Variants in EMSY observed in about 807,000 individuals in gnomAD.
EMSY encodes the protein BRCA2-interacting transcriptional repressor EMSY.
In EMSY, 26 loss-of-function variants were observed where a neutral mutation model predicts 134.6. The ratio of observed to expected loss-of-function variants is 0.19; its 90% CI spans 0.14 to 0.27. The LOEUF is 0.27. Among genes scored for constraint, EMSY ranks in the 10% least tolerant of loss-of-function variants. The pLI, the probability that EMSY is intolerant of heterozygous loss-of-function variation, is 1.00. For missense variants in EMSY, 1,305 were observed against 1,611.4 expected (o/e 0.81, Z 3.26); for synonymous variants, 579 against 577.8 (o/e 1.00, Z -0.03).
At chr11:76,487,799 A>G (rs985005640) in intron 8 of EMSY, among the ~76,000 whole-genome samples, 1 of 152,262 alleles carries the variant, frequency 6.6e-6, no homozygotes, top group Admixed American at 6.5e-5. Context: ...CGTTATGCCT[A>G]TGGAGATATT....
chr11:76,450,012 A>G (rs1267484059), intron 2 of EMSY, among the ~76,000 whole-genome samples: 1 of 151,754 alleles, frequency 6.6e-6, no homozygotes, highest in African/African-American at 2.4e-5. Flanking sequence ...TACTGGAATA[A>G]TATGAAACTA....
At chr11:76,509,936 A>G (rs940390803) in intron 9 of EMSY, among the ~76,000 whole-genome samples, 3 of 152,316 alleles carry the variant, frequency 2.0e-5, no homozygotes, top group Non-Finnish European at 2.9e-5. Context: ...GCTCATGCCT[A>G]TAATCTCAGT....
At chr11:76,507,036 G>T (rs946259894) in intron 9 of EMSY, among the ~76,000 whole-genome samples, 2 of 152,188 alleles carry the variant, frequency 1.3e-5, no homozygotes, top group African/African-American at 4.8e-5. Flanking sequence ...TATCACAACA[G>T]AGGAAGTCAC....
intron 14 of EMSY, among the ~76,000 whole-genome samples, chr11:76,529,280 ACT>A (rs1950950383): frequency 2.0e-5 from 3 of 151,418 alleles, no homozygotes; most frequent in Admixed American, 2.0e-4. Context: ...TTCTTTCCAC[ACT>A]CTCTCCATTC....
chr11:76,543,188 T>C (rs1335226408), intron 18 of EMSY, among the ~76,000 whole-genome samples: 1 of 152,194 alleles, frequency 6.6e-6, no homozygotes, highest in Admixed American at 6.5e-5. Context: ...TGACTTATCA[T>C]TAGTAGTCAC....
chr11:76,463,836 A>T (rs1167724062), exon 7 of EMSY: 2 of 1,614,222 alleles, frequency 1.2e-6, no homozygotes, highest in African/African-American at 1.3e-5. Context: ...AGCTGTTCAG[A>T]TGAAGATGAA....
chr11:76,452,093 C>T, intron 3 of EMSY, 136 bp downstream of exon 3: 1 of 507,298 alleles, frequency 2.0e-6, no homozygotes. Flanking sequence ...CTAAGAGACT[C>T]CATCCCAGTT....
intron 7 of EMSY, among the ~76,000 whole-genome samples, chr11:76,466,270 C>T (rs1948349759): frequency 1.3e-5 from 2 of 152,092 alleles, no homozygotes; most frequent in Non-Finnish European, 1.5e-5. Flanking sequence ...CATGTTTATC[C>T]CCACTTCAGA....
chr11:76,533,108 A>G (rs951663008), intron 14 of EMSY, among the ~76,000 whole-genome samples: 2 of 152,146 alleles, frequency 1.3e-5, no homozygotes, highest in African/African-American at 4.8e-5. Context: ...GCTTTATGAC[A>G]GTGCTTCAGA....
At chr11:76,519,065 C>A (rs985026655) in intron 11 of EMSY, among the ~76,000 whole-genome samples, 1 of 136,386 alleles carries the variant, frequency 7.3e-6, no homozygotes, top group Admixed American at 7.4e-5. Context: ...TGATTCATAT[C>A]TTTTTTTTTT....
chr11:76,526,857 G>T (rs1015092995), intron 13 of EMSY, among the ~76,000 whole-genome samples: 29 of 152,268 alleles, frequency 1.9e-4, no homozygotes, highest in African/African-American at 7.0e-4. Flanking sequence ...TATCAGCAAA[G>T]ATTATGGGGA....
intron 13 of EMSY, among the ~76,000 whole-genome samples, chr11:76,526,888 A>C (rs971914480): frequency 1.3e-5 from 2 of 152,124 alleles, no homozygotes; most frequent in Non-Finnish European, 2.9e-5. Flanking sequence ...TAGGAATACA[A>C]TTTGCTGAAG....
In EMSY at chr11:76,459,819, C is replaced by A. The variant is rs1472984923; in HGVS notation, c.422-117C>A. The A allele has an allele frequency of 4.0e-6, 5 of 1,244,486 alleles. No individual in the cohort carries two copies. The East Asian group carries it at 1.2e-4, about 29-fold the overall frequency. The allele number at this position is 1,244,486 out of a possible 1,614,324, so 77.1% of individuals were successfully genotyped here. A position where few individuals can be genotyped will look rare whatever the true frequency, so the allele number is the denominator to read the frequency against. ...TGGACCTAATACCTAGTACTGGCCTCTGACTTCTGATCACATGAAAATGTT... is the reference window on the plus strand; with the variant it reads ...TGGACCTAATACCTAGTACTGGCCTATGACTTCTGATCACATGAAAATGTT... On this transcript the variant is annotated intron_variant, in intron 5 of 20. Coordinates refer to ENST00000334736, the Ensembl canonical transcript of EMSY.
chr11:76,502,045 A>G (rs1326962784), intron 9 of EMSY, among the ~76,000 whole-genome samples: 1 of 58,028 alleles, frequency 1.7e-5, no homozygotes, highest in African/African-American at 7.3e-5. Context: ...ATTTGAAATG[A>G]AAAAAAAAAA....
intron 5 of EMSY, 94 bp from the exon 7 acceptor site, chr11:76,459,839 A>C (rs1007401725): frequency 2.8e-6 from 4 of 1,433,456 alleles, no homozygotes; most frequent in Admixed American, 1.8e-5. Context: ...ATCACATGAA[A>C]ATGTTAAAAT....
At chr11:76,476,893 G>C (rs1358533772) in intron 8 of EMSY, among the ~76,000 whole-genome samples, 1 of 152,128 alleles carries the variant, frequency 6.6e-6, no homozygotes, top group African/African-American at 2.4e-5. Flanking sequence ...TTGGTGGATA[G>C]AGCTACAGTT....
chr11:76,510,572 G>A (rs1396486862), intron 9 of EMSY, among the ~76,000 whole-genome samples: 1 of 152,134 alleles, frequency 6.6e-6, no homozygotes, highest in Non-Finnish European at 1.5e-5. Flanking sequence ...GCTTGGTGGT[G>A]GAGTCACTGC....
chr11:76,453,997 G>C (rs990361762), intron 4 of EMSY: 14 of 152,080 alleles, frequency 9.2e-5, no homozygotes, highest in African/African-American at 3.1e-4. Context: ...TGAGGGCAGG[G>C]ATTAAGCCTT....
chr11:76,525,826 A>G (rs1477828432), intron 12 of EMSY, among the ~76,000 whole-genome samples: 1 of 152,084 alleles, frequency 6.6e-6, no homozygotes, highest in Non-Finnish European at 1.5e-5. Flanking sequence ...AATATATAAC[A>G]TTCTTTCCTC....
Sources: allele counts gnomAD v4.1 joint callset (sites outside exome capture counted in the v4.1 genomes callset), GRCh38; gene constraint gnomAD v4.1.1; transcripts MANE v1.5; gene names NCBI Gene and HGNC (gene_info 2026-07-23, HGNC 2026-07-21).